FBXL17: variants seen among roughly 807,000 people sequenced by gnomAD.
The protein encoded by FBXL17 is F-box and leucine rich repeat protein 17.
FBXL17 carries 22 observed loss-of-function variants against 66.2 expected under a neutral mutation model. The ratio of observed to expected loss-of-function variants is 0.33; its 90% CI spans 0.24 to 0.47. The LOEUF (loss-of-function observed/expected upper bound fraction) is 0.47, where lower values mean the gene tolerates loss of function less well. FBXL17 is among the 20% of genes least tolerant of loss of function. The probability of loss-of-function intolerance (pLI) is 1.00; values close to 1 mark genes in which losing one functional copy is unlikely to be tolerated. For missense variants in FBXL17, 878 were observed against 948.2 expected (o/e 0.93, Z 0.97); for synonymous variants, 474 against 400.5 (o/e 1.18, Z -2.19).
At chr5:107,863,880 C>G (rs949327344) in intron 8 of FBXL17, among the ~76,000 whole-genome samples, 10 of 152,178 alleles carry the variant, frequency 6.6e-5, no homozygotes, top group African/African-American at 2.4e-4. Flanking sequence ...GCACCCCTTC[C>G]CAGTGCACCA....
intron 5 of FBXL17, among the ~76,000 whole-genome samples, chr5:108,212,509 G>C (rs1202531531): frequency 6.6e-6 from 1 of 152,004 alleles, no homozygotes; most frequent in Non-Finnish European, 1.5e-5. Flanking sequence ...CTCTGAATGG[G>C]GTCTTTGAGT....
At chr5:108,055,280 G>GAAAAGAA (rs1747643646) in intron 6 of FBXL17, among the ~76,000 whole-genome samples, 1 of 23,692 alleles carries the variant, frequency 4.2e-5, no homozygotes, top group African/African-American at 1.5e-4. Context: ...AGAATTTTTA[G>GAAAAGAA]AAAAAAAAAA....
rs187128927 is a variant in FBXL17, at chr5:108,053,930, C to T, written c.1746-32929G>A. On this transcript the variant is annotated intron_variant, in intron 6 of 8. Transcript: ENST00000542267. ...TATACACCATGAAATACTATGCAGCCGTAAAAAGGAATGAGATCATGTCCT... is the reference window on the plus strand; with the variant it reads ...TATACACCATGAAATACTATGCAGCTGTAAAAAGGAATGAGATCATGTCCT... Among the ~76,000 whole-genome samples the T allele has an allele frequency of 2.3e-3, 348 of 152,110 alleles. 1 individual carries two copies. Among genetic ancestry groups the T allele is most frequent in the Non-Finnish European group, 2.8e-3 (189 of 68,000 alleles).
chr5:107,996,021 A>G (rs1210584636), intron 7 of FBXL17, among the ~76,000 whole-genome samples: 1 of 149,552 alleles, frequency 6.7e-6, no homozygotes, highest in Non-Finnish European at 1.5e-5. Context: ...CTATATGTTC[A>G]GGCAGAAGCA....
At chr5:108,235,660 C>T (rs1359270912) in intron 4 of FBXL17, among the ~76,000 whole-genome samples, 3 of 152,148 alleles carry the variant, frequency 2.0e-5, no homozygotes, top group East Asian at 3.9e-4. Flanking sequence ...CCTTTTATAA[C>T]CTATAAGGCC....
At chr5:107,966,122 T>G (rs181517886) in intron 7 of FBXL17, among the ~76,000 whole-genome samples, 79 of 152,228 alleles carry the variant, frequency 5.2e-4, no homozygotes, top group Middle Eastern at 3.4e-3. Context: ...TGTTGAAAAC[T>G]TTGGGGTATT....
chr5:108,323,083 G>A (rs1243832086), intron 4 of FBXL17, among the ~76,000 whole-genome samples: 2 of 151,560 alleles, frequency 1.3e-5, no homozygotes, highest in African/African-American at 2.4e-5. Flanking sequence ...ACTTAACATA[G>A]TACTGAAAGT....
intron 7 of FBXL17, among the ~76,000 whole-genome samples, chr5:107,891,176 G>T (rs1749185732): frequency 6.6e-6 from 1 of 152,140 alleles, no homozygotes; most frequent in South Asian, 2.1e-4. Context: ...CCATGGGAAA[G>T]GCTTTCCATG....
chr5:108,137,089 T>C (rs116343732), intron 6 of FBXL17, among the ~76,000 whole-genome samples: 1,700 of 152,318 alleles, frequency 0.011, 22 homozygotes, highest in Non-Finnish European at 0.02. Context: ...ATTATCAAAG[T>C]TGCCATAACT....
chr5:107,878,102 C>T (rs962676167), intron 8 of FBXL17: 16 of 296,598 alleles, frequency 5.4e-5, no homozygotes, highest in South Asian at 2.6e-4. Context: ...AAGTGTCCTA[C>T]GGAGGCATTA....
chr5:107,982,267 C>T (rs928430341), intron 7 of FBXL17, among the ~76,000 whole-genome samples: 1 of 151,984 alleles, frequency 6.6e-6, no homozygotes, highest in African/African-American at 2.4e-5. Context: ...CTTTAAGGTA[C>T]ATCAGGCATA....
intron 3 of FBXL17, among the ~76,000 whole-genome samples, chr5:108,350,791 A>G (rs770711986): frequency 3.0e-4 from 45 of 152,348 alleles, no homozygotes; most frequent in Non-Finnish European, 4.3e-4. Flanking sequence ...CAAGTTATCA[A>G]AAGATTTACC....
chr5:108,147,411 G>A (rs957476599), intron 6 of FBXL17, among the ~76,000 whole-genome samples: 6 of 152,076 alleles, frequency 3.9e-5, no homozygotes, highest in Admixed American at 2.6e-4. Context: ...GGCCAGGCAC[G>A]GTGGCTCATG....
intron 7 of FBXL17, among the ~76,000 whole-genome samples, chr5:107,918,232 G>T (rs1750198099): frequency 6.6e-6 from 1 of 152,200 alleles, no homozygotes; most frequent in Non-Finnish European, 1.5e-5. Flanking sequence ...AGGCTGTGGG[G>T]CTGGGGCGGC....
intron 4 of FBXL17, among the ~76,000 whole-genome samples, chr5:108,227,743 T>C (rs1250241617): frequency 1.3e-5 from 2 of 152,216 alleles, no homozygotes; most frequent in Non-Finnish European, 2.9e-5. Flanking sequence ...AAGTAAAGTA[T>C]GCTTAAGCAT....
chr5:108,334,876 T>C (rs139765547), intron 4 of FBXL17, among the ~76,000 whole-genome samples: 51 of 152,284 alleles, frequency 3.3e-4, no homozygotes, highest in African/African-American at 1.2e-3. Context: ...ACCGAAGTCT[T>C]ACGCGGACCA....
intron 6 of FBXL17, among the ~76,000 whole-genome samples, chr5:108,166,235 A>G (rs1186646437): frequency 6.6e-6 from 1 of 152,216 alleles, no homozygotes; most frequent in Non-Finnish European, 1.5e-5. Flanking sequence ...ATAAAAATGG[A>G]ATAAACAGCA....
At position 108,122,399 on chromosome 5, in the gene FBXL17, C is replaced by CA; in HGVS notation, c.1745+63717dup. ...CAGTACTATACTTCATAAAGAAATA[C>CA]ATTTTAATTTTTTGTGAAAATATCA... is the stretch of plus-strand genomic sequence containing the variant. On this transcript the variant is annotated intron_variant, in intron 6 of 8. Coordinates refer to ENST00000542267, the MANE Select transcript of FBXL17 (RefSeq NM_001163315.3). Among the ~76,000 whole-genome samples the CA allele has an allele frequency of 1.3e-5, 2 of 152,130 alleles. 1 individual carries two copies. Among genetic ancestry groups the CA allele is most frequent in the Middle Eastern group, 6.8e-3 (2 of 294 alleles).
chr5:108,354,276 C>T (rs926798025), intron 3 of FBXL17, among the ~76,000 whole-genome samples: 2 of 151,822 alleles, frequency 1.3e-5, no homozygotes, highest in Non-Finnish European at 2.9e-5. Context: ...ATTACCAGGC[C>T]GGAAATTTTT....
Sources: gnomAD v4.1 joint callset for allele counts (sites outside exome capture counted in the v4.1 genomes callset) on GRCh38, gnomAD v4.1.1 for gene constraint, MANE v1.5 for transcripts, NCBI Gene and HGNC (gene_info 2026-07-23, HGNC 2026-07-21) for gene names.